Variants in DPP10 observed in about 807,000 individuals in gnomAD.
DPP10 encodes the protein inactive dipeptidyl peptidase 10.
In DPP10, 33 loss-of-function variants were observed where a neutral mutation model predicts 120.9. That is an observed-to-expected ratio of 0.27 (90% CI 0.21 to 0.37). The LOEUF (loss-of-function observed/expected upper bound fraction) is 0.37. Among genes scored for constraint, DPP10 ranks in the 10% least tolerant of loss-of-function variants. DPP10 has a pLI of 1.00. For missense variants in DPP10, 816 were observed against 942.8 expected (o/e 0.87, Z 1.76); for synonymous variants, 337 against 326.1 (o/e 1.03, Z -0.36).
intron 1 of DPP10, among the ~76,000 whole-genome samples, chr2:114,620,810 C>T (rs1694035598): frequency 1.3e-5 from 2 of 151,976 alleles, no homozygotes; most frequent in African/African-American, 4.8e-5. Flanking sequence ...AACAAAAATG[C>T]CGCATCTTGG....
chr2:115,572,214 CA>C (rs1232972242), intron 5 of DPP10, among the ~76,000 whole-genome samples: 2 of 129,640 alleles, frequency 1.5e-5, no homozygotes, highest in Non-Finnish European at 3.2e-5. Flanking sequence ...CACCCACAAA[CA>C]TTTTTTTTTT....
chr2:114,523,514 C>T (rs1285354574), intron 1 of DPP10, among the ~76,000 whole-genome samples: 1 of 152,174 alleles, frequency 6.6e-6, no homozygotes, highest in Non-Finnish European at 1.5e-5. Context: ...TTCCCTGTCA[C>T]TGACTGGTCC....
intron 1 of DPP10, among the ~76,000 whole-genome samples, chr2:114,849,343 T>A (rs577540323): frequency 1.6e-4 from 24 of 152,130 alleles, no homozygotes; most frequent in South Asian, 1.0e-3. Context: ...ATATATATAT[T>A]TTTTTAAATT....
At chr2:115,248,320 A>G (rs545508341) in intron 1 of DPP10, among the ~76,000 whole-genome samples, 9 of 152,182 alleles carry the variant, frequency 5.9e-5, no homozygotes, top group Non-Finnish European at 1.3e-4. Context: ...GCTGTATTGC[A>G]TCATTCTTTC....
chr2:115,164,897 C>G (rs754012198), intron 1 of DPP10, among the ~76,000 whole-genome samples: 1 of 151,842 alleles, frequency 6.6e-6, no homozygotes, highest in Admixed American at 6.6e-5. Flanking sequence ...TATGAATATT[C>G]TGAATCATTG....
chr2:115,159,500 T>C (rs992666242), intron 1 of DPP10, among the ~76,000 whole-genome samples: 1 of 152,130 alleles, frequency 6.6e-6, no homozygotes, highest in Non-Finnish European at 1.5e-5. Context: ...GAAATTAAGT[T>C]GAAAATGAAG....
chr2:114,461,844 C>A, intron 1 of DPP10: 1 of 985,302 alleles, frequency 1.0e-6, no homozygotes, highest in Non-Finnish European at 1.2e-6. Flanking sequence ...TATCTTCAAC[C>A]TTTAGCTATA....
At chr2:115,663,700 C>CATGTATTATATCTT (rs2089202511) in intron 5 of DPP10, among the ~76,000 whole-genome samples, 1 of 152,070 alleles carries the variant, frequency 6.6e-6, no homozygotes, top group African/African-American at 2.4e-5. Context: ...CTTATATCTA[C>CATGTATTATATCTT]ATATAATACA....
chr2:115,568,388 C>T (rs1466286939), intron 5 of DPP10, among the ~76,000 whole-genome samples: 1 of 151,800 alleles, frequency 6.6e-6, no homozygotes, highest in African/African-American at 2.4e-5. Flanking sequence ...GAGGCTGAGG[C>T]AGGAGAATCG....
chr2:114,470,782 A>G (rs1286167880), intron 1 of DPP10, among the ~76,000 whole-genome samples: 1 of 152,254 alleles, frequency 6.6e-6, no homozygotes, highest in Non-Finnish European at 1.5e-5. Flanking sequence ...AAGCCAGAGT[A>G]TCTTACTTAA....
intron 3 of DPP10, among the ~76,000 whole-genome samples, chr2:115,386,364 C>G (rs2066928860): frequency 1.3e-5 from 2 of 152,134 alleles, no homozygotes; most frequent in Non-Finnish European, 2.9e-5. Flanking sequence ...ACTTTATTGA[C>G]ACATGCATCA....
chr2:114,693,176 T>C (rs760474808), intron 1 of DPP10, among the ~76,000 whole-genome samples: 2 of 152,002 alleles, frequency 1.3e-5, no homozygotes, highest in Non-Finnish European at 2.9e-5. Context: ...ATAGTGTCAC[T>C]GGTCTGTGTA....
chr2:114,830,744 GTTTC>G (rs1203976515), intron 1 of DPP10, among the ~76,000 whole-genome samples: 3 of 151,890 alleles, frequency 2.0e-5, no homozygotes, highest in African/African-American at 7.3e-5. Context: ...TTTATACATA[GTTTC>G]TTTATCAGGC....
At chr2:115,155,246 T>C (rs1397120903) in intron 1 of DPP10, among the ~76,000 whole-genome samples, 3 of 152,122 alleles carry the variant, frequency 2.0e-5, no homozygotes, top group East Asian at 3.9e-4. Flanking sequence ...ACTAAAGGCA[T>C]TCAATTGTGC....
At position 114,729,934 on chromosome 2, in the gene DPP10, GT is replaced by G. The variant is rs1676729354; in HGVS notation, c.60+287100del. On this transcript the variant is annotated intron_variant, in intron 1 of 25. Coordinates refer to ENST00000410059, the MANE Select transcript of DPP10 (RefSeq NM_020868.6). ...TAATTGATGAAAGCACAAACTAGAG[GT>G]TTTCCCCACAACATATTGAATTTCT... is the stretch of plus-strand genomic sequence containing the variant. 2.0e-5 allele frequency among the ~76,000 whole-genome samples: 3 copies of G among 152,242 alleles called. No homozygotes were observed. In the East Asian group the frequency reaches 5.8e-4, roughly 29 times the overall value.
At chr2:115,177,762 T>TTTTGCTTG (rs1553508444) in intron 1 of DPP10, among the ~76,000 whole-genome samples, 2 of 150,726 alleles carry the variant, frequency 1.3e-5, no homozygotes, top group East Asian at 2.0e-4. Context: ...TTGTTTTTGT[T>TTTTGCTTG]TTTGTTTGTT....
At chr2:115,485,383 G>A (rs1334802453) in intron 3 of DPP10, among the ~76,000 whole-genome samples, 3 of 151,902 alleles carry the variant, frequency 2.0e-5, no homozygotes, top group Non-Finnish European at 2.9e-5. Context: ...CTAGTGTTTT[G>A]ATATTAGTAA....
intron 20 of DPP10, 64 bp from the exon 21 acceptor site, chr2:115,815,611 C>T: frequency 1.4e-6 from 2 of 1,408,686 alleles, no homozygotes; most frequent in Non-Finnish European, 2.0e-6. Context: ...TGCATGCCAA[C>T]TATATATTTA....
chr2:115,804,650 G>T (rs538437372), intron 19 of DPP10, among the ~76,000 whole-genome samples: 6 of 152,336 alleles, frequency 3.9e-5, no homozygotes, highest in Non-Finnish European at 7.3e-5. Flanking sequence ...CCTTCTAACA[G>T]TCAGGACCCT....
Sources: allele counts gnomAD v4.1 joint callset (sites outside exome capture counted in the v4.1 genomes callset), GRCh38; gene constraint gnomAD v4.1.1; transcripts MANE v1.5; gene names NCBI Gene and HGNC (gene_info 2026-07-23, HGNC 2026-07-21).